KICS2: variants seen among roughly 807,000 people sequenced by gnomAD.
KICS2 encodes the protein KICSTOR subunit 2.
A neutral mutation model predicts 31.4 loss-of-function variants in KICS2; 13 were observed. The observed-to-expected ratio is 0.41, with a 90% CI of 0.27 to 0.66. KICS2 has a LOEUF of 0.66. Among genes scored for constraint, KICS2 ranks in the 30% least tolerant of loss-of-function variants. KICS2 has a pLI of 0.28. For synonymous variants in KICS2, 209 were observed against 214.8 expected (o/e 0.97, Z 0.24); for missense variants, 455 against 545.4 (o/e 0.83, Z 1.65).
chr12:64,211,497 T>C (rs1182847719), intron 2 of KICS2, among the ~76,000 whole-genome samples: 1 of 152,092 alleles, frequency 6.6e-6, no homozygotes, highest in Non-Finnish European at 1.5e-5. Flanking sequence ...CGCATGCCTG[T>C]AATTTCAGCT....
At chr12:64,208,254 C>T (rs2037556711) in intron 2 of KICS2, among the ~76,000 whole-genome samples, 1 of 152,238 alleles carries the variant, frequency 6.6e-6, no homozygotes, top group Non-Finnish European at 1.5e-5. Flanking sequence ...AGTGATCCGC[C>T]CGCCTTGGCC....
chr12:64,193,080 T>C lies in KICS2; in HGVS notation c.*762A>G, dbSNP rs148652510. 4.1e-6 allele frequency: 4 copies of C among 985,368 alleles called. No homozygotes were observed. The highest frequency in any genetic ancestry group is 1.1e-4 in the East Asian group (1 of 8,806). 61.0% of individuals were successfully genotyped at this position (985,368 alleles called of 1,614,324 possible). A position where few individuals can be genotyped will look rare whatever the true frequency, so the allele number is the denominator to read the frequency against. On this transcript the variant is annotated 3_prime_UTR_variant, in exon 3 of 3. Coordinates refer to ENST00000398055, the MANE Select transcript of KICS2 (RefSeq NM_152440.5). Reference sequence around the variant, plus strand: ...TAAACAGAAAGCGAAGCGGATAATATGCTGAAGAATGAAGAAAGCCCACAT... The same window carrying C: ...TAAACAGAAAGCGAAGCGGATAATACGCTGAAGAATGAAGAAAGCCCACAT...
Position 64,192,509 on chromosome 12 carries a change from A to G in KICS2, c.*1333T>C. On this transcript the variant is annotated 3_prime_UTR_variant, in exon 3 of 3. Coordinates refer to ENST00000398055, the MANE Select transcript of KICS2 (RefSeq NM_152440.5). ...CTGAGGGGCTCTCTGGTCTCTGCTG[A>G]TGTTGCTGGCATACCTGCTGTGGAC... 1 of 690,540 alleles carries G rather than the reference A, an allele frequency of 1.4e-6. No individual in the cohort carries two copies. Among genetic ancestry groups the G allele is most frequent in the Non-Finnish European group, 1.8e-6 (1 of 560,914 alleles). The allele number at this position is 690,540 out of a possible 1,614,324, so 42.8% of individuals were successfully genotyped here.
chr12:64,191,918 T>C lies in KICS2; in HGVS notation c.*1924A>G, dbSNP rs1038486369. The C allele has an allele frequency of 6.6e-6, 1 of 151,820 alleles. No homozygotes were observed. The highest frequency in any genetic ancestry group is 1.5e-5 in the Non-Finnish European group (1 of 68,056). 9.4% of individuals were successfully genotyped at this position (151,820 alleles called of 1,614,324 possible). ...AGTGAGACCCAGGTGTGATGGCTCATGCCTGTAATCCCACCTACTCGGGAT... is the reference window on the plus strand; with the variant it reads ...AGTGAGACCCAGGTGTGATGGCTCACGCCTGTAATCCCACCTACTCGGGAT... On this transcript the variant is annotated 3_prime_UTR_variant, in exon 3 of 3. Transcript: ENST00000398055.
At chr12:64,202,589 G>A (rs1478548007) in intron 2 of KICS2, among the ~76,000 whole-genome samples, 1 of 149,104 alleles carries the variant, frequency 6.7e-6, no homozygotes, top group Non-Finnish European at 1.5e-5. Context: ...TATTACTTCC[G>A]CTATTGATAG....
chr12:64,193,239 G>A lies in KICS2; in HGVS notation c.*603C>T, dbSNP rs928654487. 1 of 985,634 alleles carries A rather than the reference G, an allele frequency of 1.0e-6. No individual in the cohort carries two copies. Among genetic ancestry groups the A allele is most frequent in the African/African-American group, 1.7e-5 (1 of 57,220 alleles). 61.1% of individuals were successfully genotyped at this position (985,634 alleles called of 1,614,324 possible). A position where few individuals can be genotyped will look rare whatever the true frequency, so the allele number is the denominator to read the frequency against. On this transcript the variant is annotated 3_prime_UTR_variant, in exon 3 of 3. Transcript: ENST00000398055. ...AGCTGCCATGAGGATCTTCTGAACTGTTAAAACCTTACGTCATGCTACCAA... is the reference window on the plus strand; with the variant it reads ...AGCTGCCATGAGGATCTTCTGAACTATTAAAACCTTACGTCATGCTACCAA...
chr12:64,187,686 A>T (rs2037348863), downstream of KICS2: 1 of 1,524,148 alleles, frequency 6.6e-7, no homozygotes. Flanking sequence ...TTGCTAAATT[A>T]AATTAAACCT....
At position 64,221,954 on chromosome 12, in the gene KICS2, AC is replaced by A. The variant is rs2037687650; in HGVS notation, c.235+48del. The A allele has an allele frequency of 2.1e-6, 3 of 1,425,556 alleles. No individual in the cohort carries two copies. In the East Asian group the frequency reaches 8.6e-5, roughly 41 times the overall value. The allele number at this position is 1,425,556 out of a possible 1,614,324, so 88.3% of individuals were successfully genotyped here. A position where few individuals can be genotyped will look rare whatever the true frequency, so the allele number is the denominator to read the frequency against. ...CAAGCCACTGCCGACTGGGGAATAT[AC>A]CCCCTTTACTTCCTCCTCAAGGGGC... On this transcript the variant is annotated intron_variant, in intron 1 of 2. Coordinates refer to ENST00000398055, the MANE Select transcript of KICS2 (RefSeq NM_152440.5).
chr12:64,215,913 A>G lies in KICS2; in HGVS notation c.286T>C (p.Ser96Pro). The change falls in exon 2 of 3, where the codon TCA (serine) becomes CCA (proline). Residue 96 changes from serine (S) to proline (P), a missense_variant. Ser to Pro is a moderately conservative substitution (Grantham distance 74). Coordinates refer to ENST00000398055, the MANE Select transcript of KICS2 (RefSeq NM_152440.5). ...ACCTTCTTCAGCTCATTATGCAATG[A>G]AGTATAGATGGTGCGGATGGAATCC... is the stretch of plus-strand genomic sequence containing the variant. ...RKDSIRTIYT[S>P]LHNELKKVVT... The G allele has an allele frequency of 6.2e-7, 1 of 1,614,022 alleles. No homozygotes were observed. Among genetic ancestry groups the G allele is most frequent in the Non-Finnish European group, 8.5e-7 (1 of 1,180,010 alleles).
intron 2 of KICS2, chr12:64,204,950 T>C (rs1357829620): frequency 6.6e-6 from 1 of 152,232 alleles, no homozygotes; most frequent in Non-Finnish European, 1.5e-5. Flanking sequence ...TGTTATAGAA[T>C]AAGTCTCAAA....
intron 1 of KICS2, 50 bp downstream of exon 1, chr12:64,221,953 T>C (rs2037687591): frequency 2.0e-6 from 3 of 1,509,992 alleles, no homozygotes; most frequent in Non-Finnish European, 2.7e-6. Context: ...CTGGGGAATA[T>C]ACCCCCTTTA....
chr12:64,205,048 T>G (rs1426619828), intron 2 of KICS2: 1 of 152,206 alleles, frequency 6.6e-6, no homozygotes, highest in Admixed American at 6.5e-5. Context: ...TCTTCTATAA[T>G]CATGGCTATT....
rs1270354988 is a variant in KICS2, at chr12:64,201,629, A to AC, written c.522-6972_522-6971insG. Among the ~76,000 whole-genome samples the AC allele has an allele frequency of 2.2e-3, 312 of 144,882 alleles. 1 individual carries two copies. The highest frequency in any genetic ancestry group is 7.9e-3 in the African/African-American group (294 of 37,106). On this transcript the variant is annotated intron_variant, in intron 2 of 2. Transcript: ENST00000398055. Reference sequence around the variant, plus strand: ...ATAAAAAAAAAAAAAGAAAAAAAAAAAAAACAAAATGGTGGCCAGCCTGGC... The same window carrying AC: ...ATAAAAAAAAAAAAAGAAAAAAAAAACAAAACAAAATGGTGGCCAGCCTGGC...
chr12:64,201,665 A>G (rs2037491376), intron 2 of KICS2, among the ~76,000 whole-genome samples: 1 of 151,494 alleles, frequency 6.6e-6, no homozygotes, highest in African/African-American at 2.4e-5. Context: ...CAACATGGTG[A>G]AATCCCAACC....
At chr12:64,216,133 A>AATACTTTATGATAATC (rs2037626918) in intron 1 of KICS2, 170 bp from the exon 2 acceptor site, 3 of 175,948 alleles carry the variant, frequency 1.7e-5, no homozygotes, top group African/African-American at 7.6e-5. Flanking sequence ...GATAATCATA[A>AATACTTTATGATAATC]ATACTTTATG....
intron 2 of KICS2, among the ~76,000 whole-genome samples, chr12:64,206,341 T>C (rs184013740): frequency 6.6e-6 from 1 of 152,224 alleles, no homozygotes; most frequent in African/African-American, 2.4e-5. Flanking sequence ...TATTTTACCA[T>C]GACAAAACAA....
chr12:64,189,540 G>A (rs7960604), downstream of KICS2, among the ~76,000 whole-genome samples: 1,216 of 152,276 alleles, frequency 8.0e-3, 18 homozygotes, highest in African/African-American at 0.027. Flanking sequence ...TACACGAGAA[G>A]TAAACTAAAC....
intron 2 of KICS2, among the ~76,000 whole-genome samples, chr12:64,208,486 T>G (rs970556961): frequency 2.0e-5 from 3 of 152,210 alleles, no homozygotes; most frequent in Admixed American, 6.5e-5. Context: ...TCCACAGAAA[T>G]TGCACTACTA....
downstream of KICS2, chr12:64,187,047 T>TGGGA (rs1271694589): frequency 6.6e-6 from 1 of 152,580 alleles, no homozygotes; most frequent in African/African-American, 2.4e-5. Flanking sequence ...ATCAACCGGC[T>TGGGA]GAGTCATAAA....
Sources: allele counts gnomAD v4.1 joint callset (sites outside exome capture counted in the v4.1 genomes callset), GRCh38; gene constraint gnomAD v4.1.1; transcripts MANE v1.5; gene names NCBI Gene and HGNC (gene_info 2026-07-23, HGNC 2026-07-21).